CAMTA1: variants seen among roughly 807,000 people sequenced by gnomAD.
The protein encoded by CAMTA1 is calmodulin-binding transcription activator 1.
In CAMTA1, 27 loss-of-function variants were observed where a neutral mutation model predicts 170.9. The ratio of observed to expected loss-of-function variants is 0.16; its 90% confidence interval spans 0.12 to 0.22. The LOEUF is 0.22. Among genes scored for constraint, CAMTA1 ranks in the 10% least tolerant of loss-of-function variants. CAMTA1 has a pLI of 1.00. For synonymous variants in CAMTA1, 833 were observed against 891.5 expected (o/e 0.93, Z 1.17); for missense variants, 1,619 against 2,217.2 (o/e 0.73, Z 5.42).
At chr1:7,403,231 G>A (rs1454743316) in intron 5 of CAMTA1, among the ~76,000 whole-genome samples, 2 of 152,234 alleles carry the variant, frequency 1.3e-5, no homozygotes, top group African/African-American at 2.4e-5. Flanking sequence ...ACGGGTGCCT[G>A]TAATCCCAGC....
At chr1:7,320,867 G>A (rs989395569) in intron 5 of CAMTA1, among the ~76,000 whole-genome samples, 3 of 152,042 alleles carry the variant, frequency 2.0e-5, no homozygotes, top group African/African-American at 4.8e-5. Context: ...ATTGTAATGA[G>A]ACTTTGGGCA....
In CAMTA1 at chr1:7,390,698, T is replaced by C. The variant is rs376539492; in HGVS notation, c.439-77132T>C. Among the ~76,000 whole-genome samples the C allele has an allele frequency of 7.7e-4, 118 of 152,326 alleles. 1 individual carries two copies. The South Asian group carries it at 0.024, about 31-fold the overall frequency. ...AGAAAGCCTCATGGGTGTAAATGAA[T>C]CTGCTCCACTCTGCAAAGAAAAAGA... is the stretch of plus-strand genomic sequence containing the variant. On this transcript the variant is annotated intron_variant, in intron 5 of 22. Transcript: ENST00000303635.
chr1:7,645,575 G>C (rs1241986825), intron 7 of CAMTA1, among the ~76,000 whole-genome samples: 2 of 152,242 alleles, frequency 1.3e-5, no homozygotes, highest in African/African-American at 2.4e-5. Flanking sequence ...TGGCCAGATG[G>C]CCCTGCAGCC....
At chr1:7,512,560 C>G (rs970595250) in intron 6 of CAMTA1, among the ~76,000 whole-genome samples, 39 of 152,202 alleles carry the variant, frequency 2.6e-4, no homozygotes, top group Non-Finnish European at 5.1e-4. Flanking sequence ...GGGTCTCGCC[C>G]TGGACCTGGA....
Position 7,112,183 on chromosome 1 carries a change from C to G in CAMTA1, c.302+20812C>G, listed in dbSNP as rs112080238. On this transcript the variant is annotated intron_variant, in intron 4 of 22. Transcript: ENST00000303635. ...GTTGCAGGACCGCTGCGTAGAGCTG[C>G]TGGCTGCTGGGCTGTCCTCTTTGGT... is the stretch of plus-strand genomic sequence containing the variant. Among the ~76,000 whole-genome samples the G allele has an allele frequency of 9.1e-3, 1,389 of 152,296 alleles. 30 individuals carry two copies. The highest frequency in any genetic ancestry group is 0.032 in the African/African-American group (1,323 of 41,556).
In CAMTA1 at chr1:6,969,466, C is replaced by T. The variant is rs372304257; in HGVS notation, c.235-121838C>T. Among the ~76,000 whole-genome samples the T allele has an allele frequency of 5.3e-5, 8 of 152,226 alleles. No individual in the cohort carries two copies. In the South Asian group the frequency reaches 8.3e-4, roughly 16 times the overall value. ...CTGGAACCTGGTCCGGCTCCTCCCC[C>T]GGATGATCACATCTGCTTTGGGGCG... On this transcript the variant is annotated intron_variant, in intron 3 of 22. Coordinates refer to ENST00000303635, the MANE Select transcript of CAMTA1 (RefSeq NM_015215.4).
intron 6 of CAMTA1, among the ~76,000 whole-genome samples, chr1:7,607,525 G>A (rs1185574573): frequency 6.6e-6 from 1 of 152,074 alleles, no homozygotes; most frequent in African/African-American, 2.4e-5. Flanking sequence ...TGGAGGGGTT[G>A]ATGGATGGAA....
At chr1:6,884,628 C>A (rs1187432262) in intron 3 of CAMTA1, among the ~76,000 whole-genome samples, 1 of 152,134 alleles carries the variant, frequency 6.6e-6, no homozygotes, top group African/African-American at 2.4e-5. Flanking sequence ...CCAAAGAATT[C>A]TTCTCAAAAA....
At chr1:6,976,983 T>TTG (rs373441151) in intron 3 of CAMTA1, among the ~76,000 whole-genome samples, 39,732 of 151,966 alleles carry the variant, frequency 0.26, 5,637 homozygotes, top group Admixed American at 0.35. Flanking sequence ...AGACATGCCT[T>TTG]CTCTTCTCCT....
At chr1:7,340,203 C>G (rs1352634157) in intron 5 of CAMTA1, among the ~76,000 whole-genome samples, 1 of 152,166 alleles carries the variant, frequency 6.6e-6, no homozygotes, top group Non-Finnish European at 1.5e-5. Context: ...TTTGCAAATA[C>G]AGGCAGCAGG....
At chr1:7,720,294 G>A (rs1322552454) in intron 11 of CAMTA1, among the ~76,000 whole-genome samples, 5 of 152,210 alleles carry the variant, frequency 3.3e-5, no homozygotes, top group Admixed American at 2.6e-4. Context: ...GAGGGGCGCT[G>A]CCAGTCATTT....
intron 6 of CAMTA1, among the ~76,000 whole-genome samples, chr1:7,623,970 G>A (rs4328095): frequency 0.24 from 37,047 of 152,180 alleles, 6,832 homozygotes; most frequent in African/African-American, 0.52. Context: ...TATCCTCGAC[G>A]CAAAATAGAA....
intron 9 of CAMTA1, among the ~76,000 whole-genome samples, chr1:7,670,376 C>T (rs1382687119): frequency 2.0e-5 from 3 of 152,218 alleles, no homozygotes; most frequent in Non-Finnish European, 4.4e-5. Context: ...TGCTCCAGCC[C>T]CTCACCTTGC....
chr1:7,013,213 T>TC (rs1700074870), intron 3 of CAMTA1, among the ~76,000 whole-genome samples: 1 of 133,074 alleles, frequency 7.5e-6, no homozygotes, highest in African/African-American at 2.9e-5. Context: ...CTTCTTCTTT[T>TC]TTTTTTTTTT....
rs149372617 is a variant in CAMTA1, at chr1:7,632,266, G to A, written c.511-8134G>A. On this transcript the variant is annotated intron_variant, in intron 6 of 22. Transcript: ENST00000303635. ...CGCAGGCAATGCTGCTTCCTCGCCCGTCTCCCTCCTATCCGGCTGGCGGCA... is the reference window on the plus strand; with the variant it reads ...CGCAGGCAATGCTGCTTCCTCGCCCATCTCCCTCCTATCCGGCTGGCGGCA... 8.2e-3 allele frequency among the ~76,000 whole-genome samples: 1,252 copies of A among 152,322 alleles called. 7 individuals carry two copies. The highest frequency in any genetic ancestry group is 0.014 in the South Asian group (66 of 4,822).
chr1:7,732,241 A>C lies in CAMTA1; in HGVS notation c.2915-207A>C, dbSNP rs1267818606. On this transcript the variant is annotated intron_variant, in intron 11 of 22. Transcript: ENST00000303635. This position sits in a 1 kb window ranked among gnomAD's most constrained non-coding sequence, Gnocchi z 4.1. Reference sequence around the variant, plus strand: ...AGAATTTCTGGTCTTTTATCCGAGAACTTCGGGCTGCTGAAGGTGCCACCA... The same window carrying C: ...AGAATTTCTGGTCTTTTATCCGAGACCTTCGGGCTGCTGAAGGTGCCACCA... Among the ~76,000 whole-genome samples, 5 of 152,116 alleles carry C rather than the reference A, an allele frequency of 3.3e-5. No homozygotes were observed. Among genetic ancestry groups the C allele is most frequent in the Non-Finnish European group, 5.9e-5 (4 of 68,008 alleles).
At chr1:6,800,635 C>G (rs1033663150) in intron 1 of CAMTA1, among the ~76,000 whole-genome samples, 1 of 152,086 alleles carries the variant, frequency 6.6e-6, no homozygotes, top group African/African-American at 2.4e-5. Context: ...GTTGTACTTT[C>G]TGGAGTTGAT....
In CAMTA1 at chr1:7,466,009, C is replaced by G. The variant is rs188559462; in HGVS notation, c.439-1821C>G. Among the ~76,000 whole-genome samples the G allele has an allele frequency of 3.9e-3, 601 of 152,350 alleles. 2 individuals carry two copies. The highest frequency in any genetic ancestry group is 6.6e-3 in the Non-Finnish European group (448 of 68,034). ...TCAAAGGGACGAGAGAAACACCCCT[C>G]AGCCGTTGATATCTCCCTCCATTTG... On this transcript the variant is annotated intron_variant, in intron 5 of 22. Transcript: ENST00000303635.
intron 5 of CAMTA1, among the ~76,000 whole-genome samples, chr1:7,314,850 C>T (rs571779637): frequency 2.0e-5 from 3 of 152,320 alleles, no homozygotes; most frequent in African/African-American, 7.2e-5. Context: ...TGCTGTGCAT[C>T]TGAGATCTGG....
Sources: gnomAD v4.1 joint callset for allele counts (sites outside exome capture counted in the v4.1 genomes callset) on GRCh38, gnomAD v4.1.1 for gene constraint, Gnocchi (gnomAD v3.1) non-coding constraint, MANE v1.5 for transcripts, NCBI Gene and HGNC (gene_info 2026-07-23, HGNC 2026-07-21) for gene names.